Variants in CPNE6 observed in about 807,000 individuals in gnomAD.
CPNE6 encodes the protein copine 6.
A neutral mutation model predicts 71.5 loss-of-function variants in CPNE6; 33 were observed. The observed-to-expected ratio is 0.46, with a 90% confidence interval of 0.35 to 0.62. The LOEUF is 0.62. Among genes scored for constraint, CPNE6 ranks in the 20% least tolerant of loss-of-function variants. CPNE6 has a pLI of 0.00. For missense variants in CPNE6, 576 were observed against 747.3 expected (o/e 0.77, Z 2.67); for synonymous variants, 296 against 293.0 (o/e 1.01, Z -0.10).
rs1160646215 is a variant in CPNE6 at position 24,074,382 on chromosome 14, C to G, written c.498+17C>G. ...GACAACAAGGTTGGAACCCCAGAGTCCAGGCCCCCAACTCCCCTGTCACTC... is the reference window on the plus strand; with the variant it reads ...GACAACAAGGTTGGAACCCCAGAGTGCAGGCCCCCAACTCCCCTGTCACTC... On this transcript the variant is annotated intron_variant, in intron 6 of 17. Coordinates refer to ENST00000397016, the Ensembl canonical transcript of CPNE6. This position sits in a 1 kb window ranked among gnomAD's most constrained non-coding sequence, Gnocchi z 4.5. 1 of 1,551,110 alleles carries G rather than the reference C, an allele frequency of 6.4e-7. No homozygotes were observed. The highest frequency in any genetic ancestry group is 8.7e-7 in the Non-Finnish European group (1 of 1,149,374).
At chr14:24,071,611 C>G in exon 2 of CPNE6, 1 of 1,246,734 alleles carries the variant, frequency 8.0e-7, no homozygotes, top group Non-Finnish European at 1.1e-6. Flanking sequence ...GCCAGAGAGC[C>G]GGAGAGAGGA....
chr14:24,075,135 C>T lies in CPNE6; in HGVS notation c.673-37C>T, dbSNP rs745921993. On this transcript the variant is annotated intron_variant, in intron 8 of 17. Coordinates refer to ENST00000397016, the Ensembl canonical transcript of CPNE6. The surrounding 1 kb of genome is among the most constrained non-coding windows in gnomAD (Gnocchi z 4.3). ...ACTCACCGTGAATACCGCAGAGCAT[C>T]TCCAACCTGACCCCACCCCTCCCCC... is the stretch of plus-strand genomic sequence containing the variant. 2.7e-6 allele frequency: 4 copies of T among 1,501,372 alleles called. No homozygotes were observed. The highest frequency in any genetic ancestry group is 3.7e-6 in the Non-Finnish European group (4 of 1,077,098). 93.0% of individuals were successfully genotyped at this position (1,501,372 alleles called of 1,614,324 possible). A position where few individuals can be genotyped will look rare whatever the true frequency, so the allele number is the denominator to read the frequency against.
chr14:24,076,867 C>T lies in CPNE6; in HGVS notation c.1166-12C>T. ...CATTTCTGCCAGCTTCACAACTTCT[C>T]TTCACTCACAGAGATCTCAGGGGTC... On this transcript the variant is annotated splice_polypyrimidine_tract_variant and intron_variant, in intron 14 of 17. Coordinates refer to ENST00000397016, the Ensembl canonical transcript of CPNE6. 2 of 1,612,074 alleles carry T rather than the reference C, an allele frequency of 1.2e-6. No individual in the cohort carries two copies. The highest frequency in any genetic ancestry group is 2.2e-5 in the South Asian group (2 of 91,088).
Position 24,075,063 on chromosome 14 carries a change from A to G in CPNE6, c.673-109A>G. On this transcript the variant is annotated intron_variant, in intron 8 of 17. Coordinates refer to ENST00000397016, the Ensembl canonical transcript of CPNE6. This position sits in a 1 kb window ranked among gnomAD's most constrained non-coding sequence, Gnocchi z 4.3. ...GCTGAGGATGTCTGTTTGGGCATGG[A>G]GACTCTAAGGCCCAAGTCCCCCTAC... 2.4e-6 allele frequency: 2 copies of G among 843,208 alleles called. No homozygotes were observed. Among genetic ancestry groups the G allele is most frequent in the Non-Finnish European group, 4.1e-6 (2 of 492,158 alleles). The allele number at this position is 843,208 out of a possible 1,614,324, so 52.2% of individuals were successfully genotyped here. A position where few individuals can be genotyped will look rare whatever the true frequency, so the allele number is the denominator to read the frequency against.
intron 1 of CPNE6, 60 bp from the exon 1 acceptor site, chr14:24,071,502 C>CGGG: frequency 8.7e-5 from 39 of 447,586 alleles, no homozygotes; most frequent in Non-Finnish European, 1.3e-4. Context: ...TGGTGCTGCG[C>CGGG]CCCCCCCCAC....
chr14:24,075,403 G>A lies in CPNE6; in HGVS notation c.778-102G>A. 2 of 1,407,290 alleles carry A rather than the reference G, an allele frequency of 1.4e-6. No individual in the cohort carries two copies. The highest frequency in any genetic ancestry group is 3.6e-5 in the Admixed American group (2 of 55,788). The allele number at this position is 1,407,290 out of a possible 1,614,324, so 87.2% of individuals were successfully genotyped here. On this transcript the variant is annotated intron_variant, in intron 9 of 17. Transcript: ENST00000397016. This position sits in a 1 kb window ranked among gnomAD's most constrained non-coding sequence, Gnocchi z 4.3. ...TGGAAAGCACCTGGGCTCAGCTGAA[G>A]GACGGAACCATGGGGGTCTTGCTCT...
Position 24,073,216 on chromosome 14 carries a change from C to G in CPNE6, c.168+112C>G. 1 of 1,197,930 alleles carries G rather than the reference C, an allele frequency of 8.3e-7. No homozygotes were observed. Among genetic ancestry groups the G allele is most frequent in the Non-Finnish European group, 1.1e-6 (1 of 907,146 alleles). 74.2% of individuals were successfully genotyped at this position (1,197,930 alleles called of 1,614,324 possible). A position where few individuals can be genotyped will look rare whatever the true frequency, so the allele number is the denominator to read the frequency against. On this transcript the variant is annotated intron_variant, in intron 3 of 17. Coordinates refer to ENST00000397016, the Ensembl canonical transcript of CPNE6. The surrounding 1 kb of genome is among the most constrained non-coding windows in gnomAD (Gnocchi z 5.5). ...GGGAAATGTGTGGACTCTGCGGCGC[C>G]TTCTCGAGGCCGCTTGGGTACCCTG... is the stretch of plus-strand genomic sequence containing the variant.
rs558875603 is a variant in CPNE6, at chr14:24,073,221, C to T, written c.168+117C>T. ...ATGTGTGGACTCTGCGGCGCCTTCT[C>T]GAGGCCGCTTGGGTACCCTGGAGAT... On this transcript the variant is annotated intron_variant, in intron 3 of 17. Coordinates refer to ENST00000397016, the Ensembl canonical transcript of CPNE6. The surrounding 1 kb of genome is among the most constrained non-coding windows in gnomAD (Gnocchi z 5.5). The T allele has an allele frequency of 2.7e-5, 32 of 1,168,792 alleles. No individual in the cohort carries two copies. The East Asian group carries it at 5.3e-4, about 19-fold the overall frequency. The allele number at this position is 1,168,792 out of a possible 1,614,324, so 72.4% of individuals were successfully genotyped here. A position where few individuals can be genotyped will look rare whatever the true frequency, so the allele number is the denominator to read the frequency against.
rs751402970 is a variant in CPNE6, at chr14:24,074,148, A to C, written c.423+23A>C. ...ACGGTAGGCAAGATCACCTGTACTCACCCTTGGTCCAGGTATTCAATGCCC... is the reference window on the plus strand; with the variant it reads ...ACGGTAGGCAAGATCACCTGTACTCCCCCTTGGTCCAGGTATTCAATGCCC... On this transcript the variant is annotated intron_variant, in intron 5 of 17. Transcript: ENST00000397016. The surrounding 1 kb of genome is among the most constrained non-coding windows in gnomAD (Gnocchi z 4.5). 8 of 1,612,058 alleles carry C rather than the reference A, an allele frequency of 5.0e-6. No homozygotes were observed. The South Asian group carries it at 7.7e-5, about 15-fold the overall frequency.
At position 24,074,914 on chromosome 14, in the gene CPNE6, G is replaced by A. The variant is rs1490857889; in HGVS notation, c.672+119G>A. 4.7e-6 allele frequency: 4 copies of A among 849,552 alleles called. No homozygotes were observed. The highest frequency in any genetic ancestry group is 5.7e-6 in the Non-Finnish European group (3 of 522,542). 52.6% of individuals were successfully genotyped at this position (849,552 alleles called of 1,614,324 possible). A position where few individuals can be genotyped will look rare whatever the true frequency, so the allele number is the denominator to read the frequency against. Reference sequence around the variant, plus strand: ...CCCCAAGTGATAATCACATCCCACTGTGGGATAAATAATAGGTCACAGCTC... The same window carrying A: ...CCCCAAGTGATAATCACATCCCACTATGGGATAAATAATAGGTCACAGCTC... On this transcript the variant is annotated intron_variant, in intron 8 of 17. Coordinates refer to ENST00000397016, the Ensembl canonical transcript of CPNE6. The surrounding 1 kb of genome is among the most constrained non-coding windows in gnomAD (Gnocchi z 4.5).
chr14:24,074,781 C>T lies in CPNE6; in HGVS notation c.658C>T (p.His220Tyr), dbSNP rs1375549776. Residue 220 changes from histidine to tyrosine, a missense_variant, in exon 8 of 18, where the codon CAC becomes TAC. This residue lies in a region of CPNE6 where 214 missense variants were observed against 291.2 expected (regional missense o/e 0.73). Transcript: ENST00000397016. This position sits in a 1 kb window ranked among gnomAD's most constrained non-coding sequence, Gnocchi z 4.5. Reference sequence around the variant, plus strand: ...GCATTCCCTATGCAGCTGTGATGTTCACCGACCTCTCAAGGTGAAGTCCCA... The same window carrying T: ...GCATTCCCTATGCAGCTGTGATGTTTACCGACCTCTCAAGGTGAAGTCCCA... 6.2e-7 allele frequency: 1 copy of T among 1,613,020 alleles called. No individual in the cohort carries two copies. Among genetic ancestry groups the T allele is most frequent in the East Asian group, 2.2e-5 (1 of 44,804 alleles).
Position 24,077,496 on chromosome 14 carries a change from C to A in CPNE6, c.1537-97C>A. 6.4e-7 allele frequency: 1 copy of A among 1,570,812 alleles called. No homozygotes were observed. The highest frequency in any genetic ancestry group is 8.8e-7 in the Non-Finnish European group (1 of 1,142,722). On this transcript the variant is annotated intron_variant, in intron 16 of 17. Coordinates refer to ENST00000397016, the Ensembl canonical transcript of CPNE6. The surrounding 1 kb of genome is among the most constrained non-coding windows in gnomAD (Gnocchi z 6.1). ...TGATGTCCTGCTAAGGACGCGGGAG[C>A]CCAGCTGGCCACCCTGAAGCCCCAC...
Position 24,073,630 on chromosome 14 carries a change from C to T in CPNE6, c.300C>T (p.Ser100=), listed in dbSNP as rs781341280. Residue 100 remains serine, a synonymous_variant, in exon 4 of 18, where the codon AGC becomes AGT. Transcript: ENST00000397016. The surrounding 1 kb of genome is among the most constrained non-coding windows in gnomAD (Gnocchi z 5.5). The stretch of plus-strand genomic sequence containing the variant: ...TCGATGCCGAGGACGGAGCCACCAG[C>T]CCCCGAAATGATACCTTCCTCGGCT... The T allele has an allele frequency of 3.1e-6, 5 of 1,613,968 alleles. No individual in the cohort carries two copies. The South Asian group carries it at 4.4e-5, about 14-fold the overall frequency.
intron 14 of CPNE6, 40 bp from the exon 14 acceptor site, chr14:24,076,839 G>A (rs374710654): frequency 1.9e-6 from 3 of 1,609,026 alleles, no homozygotes; most frequent in African/African-American, 2.7e-5. Context: ...AGGGGGCCCT[G>A]CTCATTTCTG....
intron 2 of CPNE6, chr14:24,072,143 A>C (rs1402584436): frequency 6.5e-6 from 1 of 153,110 alleles, no homozygotes; most frequent in East Asian, 1.9e-4. Flanking sequence ...GAGGCTTGGT[A>C]CCACTGCTGG....
intron 2 of CPNE6, 25 bp from the exon 2 acceptor site, chr14:24,072,908 C>T (rs1255824264): frequency 1.3e-6 from 2 of 1,511,030 alleles, no homozygotes; most frequent in Non-Finnish European, 1.8e-6. Flanking sequence ...TTCCAGAGTC[C>T]AGGCCACCTG....
rs761992920 is a variant in CPNE6, at chr14:24,076,252, C to T, written c.1028C>T (p.Ala343Val). ...AACCACTACCTGCAGGCCCTGCGTG[C>T]AGTGGGAGGCATCTGCCAGGACTAT... is the stretch of plus-strand genomic sequence containing the variant. The change falls in exon 12 of 18, where the codon GCA becomes GTA. Residue 343 changes from alanine to valine, a missense_variant. By Grantham distance (64) the Ala-to-Val change is moderately conservative. This residue lies in a region of CPNE6 where 264 missense variants were observed against 339.9 expected (regional missense o/e 0.78). Coordinates refer to ENST00000397016, the Ensembl canonical transcript of CPNE6. 5.6e-6 allele frequency: 9 copies of T among 1,614,108 alleles called. No homozygotes were observed. In the South Asian group the frequency reaches 8.8e-5, roughly 16 times the overall value.
At chr14:24,072,987 G>A in exon 3 of CPNE6, 1 of 1,587,724 alleles carries the variant, frequency 6.3e-7, no homozygotes, top group Admixed American at 1.7e-5. Context: ...CCATGACGCT[G>A]GGGGCCTCTC....
intron 2 of CPNE6, 60 bp from the exon 2 acceptor site, chr14:24,072,873 A>AC: frequency 7.1e-7 from 1 of 1,405,032 alleles, no homozygotes; most frequent in Non-Finnish European, 9.3e-7. Flanking sequence ...TAGAGGATAG[A>AC]CCCCTCTGCT....
Sources: gnomAD v4.1 joint callset for allele counts on GRCh38, gnomAD v4.1.1 for gene constraint, gnomAD v4.1.1 regional missense constraint, Gnocchi (gnomAD v3.1) non-coding constraint, MANE v1.5 for transcripts, NCBI Gene and HGNC (gene_info 2026-07-23, HGNC 2026-07-21) for gene names.